The following GLI2 variants were observed in gnomAD, a reference collection of about 807,000 sequenced individuals.
The protein encoded by GLI2 is transcription activator GLI2.
In GLI2, 22 loss-of-function variants were observed where a neutral mutation model predicts 78.9. That is an observed-to-expected ratio of 0.28 (90% confidence interval 0.20 to 0.40). The LOEUF is 0.40. Ranked by LOEUF, GLI2 falls within the 10% of genes least tolerant of loss-of-function variation. GLI2 has a pLI of 1.00. For synonymous variants in GLI2, 974 were observed against 963.7 expected (o/e 1.01, Z -0.20); for missense variants, 2,097 against 2,213.2 (o/e 0.95, Z 1.05).
At chr2:120,834,064 C>T (rs954100643) in intron 2 of GLI2, among the ~76,000 whole-genome samples, 3 of 152,176 alleles carry the variant, frequency 2.0e-5, no homozygotes, top group Admixed American at 6.5e-5. Flanking sequence ...CGCCCCCAAC[C>T]GCCACATCAT....
At chr2:120,946,858 G>T (rs980125127) in intron 3 of GLI2, among the ~76,000 whole-genome samples, 2 of 152,258 alleles carry the variant, frequency 1.3e-5, no homozygotes, top group Admixed American at 6.5e-5. Flanking sequence ...CTGCTGGGAA[G>T]CGCCCTCAGG....
chr2:120,796,857 A>G (rs1242258641), intron 1 of GLI2, among the ~76,000 whole-genome samples: 1 of 152,228 alleles, frequency 6.6e-6, no homozygotes, highest in Non-Finnish European at 1.5e-5. Context: ...ATGCAGATGA[A>G]TAAGTGAAAG....
At chr2:120,895,186 A>G (rs956558742) in intron 2 of GLI2, among the ~76,000 whole-genome samples, 6 of 152,322 alleles carry the variant, frequency 3.9e-5, no homozygotes, top group Admixed American at 2.0e-4. Context: ...GCAGCCAGCA[A>G]TTCTCTCCTT....
At chr2:120,811,345 C>T (rs1386082975) in intron 2 of GLI2, among the ~76,000 whole-genome samples, 1 of 152,152 alleles carries the variant, frequency 6.6e-6, no homozygotes, top group Admixed American at 6.5e-5. Flanking sequence ...TTGGGTTGTA[C>T]CAGGGGTGCT....
chr2:120,983,946 GGTGTGT>G (rs5833859), intron 11 of GLI2, among the ~76,000 whole-genome samples: 81 of 143,188 alleles, frequency 5.7e-4, no homozygotes, highest in African/African-American at 5.2e-4. Context: ...TGGTGTGTGG[GGTGTGT>G]GTGTGTGTGT....
At chr2:120,841,088 C>T (rs886800011) in intron 2 of GLI2, among the ~76,000 whole-genome samples, 4 of 152,146 alleles carry the variant, frequency 2.6e-5, no homozygotes, top group African/African-American at 9.7e-5. Flanking sequence ...AACTCGAAGT[C>T]GCTACGCTGT....
rs1448864009 is a variant in GLI2, at chr2:120,951,446, G to A, written c.457+1G>A. ...GCCAGGGGCCTCAGCCCCGCTGATG[G>A]TGAGTAGGGTGTGGGGATGGGGAGG... is the stretch of plus-strand genomic sequence containing the variant. On this transcript the variant is annotated splice_donor_variant, in intron 4 of 13. Coordinates refer to ENST00000361492, the MANE Select transcript of GLI2 (RefSeq NM_001374353.1). LOFTEE classifies it high-confidence loss of function. 1 of 1,602,064 alleles carries A rather than the reference G, an allele frequency of 6.2e-7. No homozygotes were observed. The highest frequency in any genetic ancestry group is 8.5e-7 in the Non-Finnish European group (1 of 1,170,430).
intron 3 of GLI2, among the ~76,000 whole-genome samples, chr2:120,941,983 C>G (rs1376852984): frequency 6.6e-6 from 1 of 152,164 alleles, no homozygotes; most frequent in African/African-American, 2.4e-5. Context: ...CCACCCAGCA[C>G]AGGAGTTCCC....
At position 120,911,725 on chromosome 2, in the gene GLI2, A is replaced by T. The variant is rs1427257949; in HGVS notation, c.149-15636A>T. Among the ~76,000 whole-genome samples the T allele has an allele frequency of 2.7e-5, 4 of 150,934 alleles. No individual in the cohort carries two copies. In the East Asian group the frequency reaches 7.9e-4, roughly 30 times the overall value. On this transcript the variant is annotated intron_variant, in intron 2 of 13. Coordinates refer to ENST00000361492, the MANE Select transcript of GLI2 (RefSeq NM_001374353.1). ...AGGGAGTATCGTCTGCCTGCGGTGG[A>T]GGGGGGTGGCAGAAGAAAGGTCCAG...
chr2:120,750,727 G>A (rs1682841621), intron 1 of GLI2, among the ~76,000 whole-genome samples: 1 of 152,200 alleles, frequency 6.6e-6, no homozygotes, highest in African/African-American at 2.4e-5. Flanking sequence ...CCATCTTGCT[G>A]GGCCTTAACA....
intron 1 of GLI2, among the ~76,000 whole-genome samples, chr2:120,754,254 C>T (rs1682973006): frequency 6.6e-6 from 1 of 152,180 alleles, no homozygotes; most frequent in Non-Finnish European, 1.5e-5. Flanking sequence ...GGAGTGTTAT[C>T]AAACTTGTCG....
intron 1 of GLI2, among the ~76,000 whole-genome samples, chr2:120,746,424 G>C (rs1682695854): frequency 6.6e-6 from 1 of 152,186 alleles, no homozygotes; most frequent in African/African-American, 2.4e-5. Context: ...CAGCCAGAAA[G>C]TAGAAGGCCT....
chr2:120,749,897 A>G (rs774119227), intron 1 of GLI2, among the ~76,000 whole-genome samples: 5 of 152,200 alleles, frequency 3.3e-5, no homozygotes, highest in Non-Finnish European at 4.4e-5. Flanking sequence ...TGCAGTGGTG[A>G]CAGCCTGATG....
At chr2:120,743,195 G>A (rs1420461368) in intron 1 of GLI2, among the ~76,000 whole-genome samples, 1 of 152,170 alleles carries the variant, frequency 6.6e-6, no homozygotes, top group Non-Finnish European at 1.5e-5. Flanking sequence ...CTGCTTTGGG[G>A]ACCAAGGAAG....
At position 120,979,544 on chromosome 2, in the gene GLI2, A is replaced by G. The variant is rs562920363; in HGVS notation, c.1467+961A>G. On this transcript the variant is annotated intron_variant, in intron 10 of 13. Coordinates refer to ENST00000361492, the MANE Select transcript of GLI2 (RefSeq NM_001374353.1). ...TAAAATCAGTGGTGTCCAGGATCCAATGAAATATGCTACCTTTGCTGGCAA... is the reference window on the plus strand; with the variant it reads ...TAAAATCAGTGGTGTCCAGGATCCAGTGAAATATGCTACCTTTGCTGGCAA... Among the ~76,000 whole-genome samples, 6 of 152,336 alleles carry G rather than the reference A, an allele frequency of 3.9e-5. No homozygotes were observed. In the East Asian group the frequency reaches 5.8e-4, roughly 15 times the overall value.
chr2:120,788,047 G>A (rs1312319979), intron 1 of GLI2, among the ~76,000 whole-genome samples: 4 of 152,200 alleles, frequency 2.6e-5, no homozygotes, highest in Non-Finnish European at 4.4e-5. Flanking sequence ...TCCAGCTGCA[G>A]GGATGATAAG....
intron 1 of GLI2, among the ~76,000 whole-genome samples, chr2:120,741,360 C>T (rs1682532487): frequency 6.6e-6 from 1 of 151,584 alleles, no homozygotes; most frequent in South Asian, 2.1e-4. Flanking sequence ...TCCTTTGGCT[C>T]TCTTCCTCTC....
chr2:120,971,676 G>A (rs1682180120), intron 7 of GLI2, among the ~76,000 whole-genome samples: 1 of 152,220 alleles, frequency 6.6e-6, no homozygotes, highest in Non-Finnish European at 1.5e-5. Context: ...ATTTTCCAAA[G>A]AGAAGGTCTC....
intron 2 of GLI2, among the ~76,000 whole-genome samples, chr2:120,874,997 C>T (rs567927843): frequency 2.1e-4 from 32 of 152,310 alleles, no homozygotes; most frequent in African/African-American, 7.0e-4. Context: ...CTGAAACACT[C>T]GGCTCCTGGA....
Sources: gnomAD v4.1 joint callset for allele counts (sites outside exome capture counted in the v4.1 genomes callset) on GRCh38, gnomAD v4.1.1 for gene constraint, MANE v1.5 for transcripts, NCBI Gene and HGNC (gene_info 2026-07-23, HGNC 2026-07-21) for gene names.